The following DPP6 variants were observed in gnomAD, a reference collection of about 807,000 sequenced individuals.
The protein encoded by DPP6 is A-type potassium channel modulatory protein DPP6.
A neutral mutation model predicts 122.6 loss-of-function variants in DPP6; 69 were observed. The observed-to-expected ratio is 0.56, with a 90% CI of 0.46 to 0.69. The LOEUF (loss-of-function observed/expected upper bound fraction) is 0.69. DPP6 is among the 30% of genes least tolerant of loss of function. The probability of loss-of-function intolerance (pLI) is 0.00; values close to 1 mark genes in which losing one functional copy is unlikely to be tolerated. For synonymous variants in DPP6, 418 were observed against 433.1 expected (o/e 0.97, Z 0.43); for missense variants, 928 against 1,116.9 (o/e 0.83, Z 2.41).
chr7:154,381,038 A>T (rs190661833), intron 1 of DPP6, among the ~76,000 whole-genome samples: 2 of 152,302 alleles, frequency 1.3e-5, no homozygotes, highest in Non-Finnish European at 2.9e-5. Context: ...CTCTAGGGAC[A>T]TCCTGCCCTG....
chr7:154,399,364 C>G (rs570995780), intron 1 of DPP6, among the ~76,000 whole-genome samples: 1 of 152,296 alleles, frequency 6.6e-6, no homozygotes, highest in African/African-American at 2.4e-5. Flanking sequence ...GCCTGTAACA[C>G]TTTTCTTAAT....
At chr7:153,816,430 T>C in the DPP6 span, among the ~76,000 whole-genome samples, 2 of 152,194 alleles carry the variant, frequency 1.3e-5, no homozygotes, top group South Asian at 2.1e-4. Context: ...GTTGCTCTCC[T>C]ATTTGTAACA....
chr7:153,892,721 T>C (rs1005017491), intron 1 of DPP6, among the ~76,000 whole-genome samples: 1 of 152,104 alleles, frequency 6.6e-6, no homozygotes, highest in African/African-American at 2.4e-5. Context: ...GGTAACAAAA[T>C]GCTTGGTGCT....
intron 1 of DPP6, among the ~76,000 whole-genome samples, chr7:154,007,794 C>T (rs1361572869): frequency 6.6e-6 from 1 of 152,082 alleles, no homozygotes; most frequent in Non-Finnish European, 1.5e-5. Context: ...AGCCAATTCT[C>T]CACAGATAGT....
intron 7 of DPP6, among the ~76,000 whole-genome samples, chr7:154,689,569 A>G (rs1351709988): frequency 6.6e-6 from 1 of 151,736 alleles, no homozygotes; most frequent in Non-Finnish European, 1.5e-5. Flanking sequence ...TTTTTAACAT[A>G]TTTTCTTTAG....
chr7:154,345,329 G>A (rs115310746), intron 1 of DPP6, among the ~76,000 whole-genome samples: 99 of 152,234 alleles, frequency 6.5e-4, no homozygotes, highest in African/African-American at 2.1e-3. Flanking sequence ...CATCCCACTA[G>A]GGTGACGATT....
chr7:154,037,186 G>A (rs1213341254), intron 1 of DPP6, among the ~76,000 whole-genome samples: 6 of 152,218 alleles, frequency 3.9e-5, no homozygotes, highest in Non-Finnish European at 8.8e-5. Context: ...GTAGGAAGAC[G>A]GCCTTCCCAG....
intron 1 of DPP6, among the ~76,000 whole-genome samples, chr7:153,946,996 C>T (rs1419478013): frequency 3.9e-5 from 6 of 152,124 alleles, no homozygotes; most frequent in Admixed American, 2.0e-4. Context: ...TAGTTTCAGT[C>T]CCGTCTTTGC....
At chr7:153,953,940 C>G (rs1377612788) in intron 1 of DPP6, among the ~76,000 whole-genome samples, 4 of 152,206 alleles carry the variant, frequency 2.6e-5, no homozygotes, top group Non-Finnish European at 5.9e-5. Context: ...TTCCATGTTA[C>G]AGTCTTGAGG....
At chr7:154,761,250 G>A (rs1040475172) in intron 8 of DPP6, among the ~76,000 whole-genome samples, 4 of 152,238 alleles carry the variant, frequency 2.6e-5, no homozygotes, top group Non-Finnish European at 1.5e-5. Context: ...CAACTGGGGT[G>A]ACCAGAAGGG....
the DPP6 span, among the ~76,000 whole-genome samples, chr7:153,822,303 C>T: frequency 2.6e-5 from 4 of 151,238 alleles, no homozygotes; most frequent in African/African-American, 7.3e-5. Flanking sequence ...AATTCTCCTG[C>T]TTCAGCCTCC....
At chr7:154,846,660 T>G (rs1801967881) in intron 16 of DPP6, among the ~76,000 whole-genome samples, 1 of 152,226 alleles carries the variant, frequency 6.6e-6, no homozygotes, top group South Asian at 2.1e-4. Flanking sequence ...TAAGAGGTTT[T>G]TCAGCAACAC....
chr7:154,576,798 C>T (rs1354384270), intron 5 of DPP6, among the ~76,000 whole-genome samples: 1 of 152,132 alleles, frequency 6.6e-6, no homozygotes, highest in Non-Finnish European at 1.5e-5. Context: ...TGGTAGGTGT[C>T]CCCTGGGGCT....
At chr7:154,567,093 T>C (rs1299331860) in intron 5 of DPP6, among the ~76,000 whole-genome samples, 177 bp downstream of exon 5, 2 of 152,192 alleles carry the variant, frequency 1.3e-5, no homozygotes, top group Non-Finnish European at 2.9e-5. Flanking sequence ...AAGGTATAAA[T>C]ATCTGCTTGG....
chr7:154,206,873 G>A (rs894803637), intron 1 of DPP6, among the ~76,000 whole-genome samples: 3 of 152,202 alleles, frequency 2.0e-5, no homozygotes, highest in Non-Finnish European at 4.4e-5. Context: ...ATTTTTAAAT[G>A]CGTATGGGGT....
chr7:154,622,904 G>T (rs555515794), intron 5 of DPP6, among the ~76,000 whole-genome samples: 9 of 152,186 alleles, frequency 5.9e-5, no homozygotes, highest in Non-Finnish European at 1.0e-4. Flanking sequence ...CCCAAGAAGG[G>T]ATTTGTTACA....
chr7:154,004,140 T>C (rs1797803968), intron 1 of DPP6, among the ~76,000 whole-genome samples: 1 of 152,252 alleles, frequency 6.6e-6, no homozygotes, highest in Non-Finnish European at 1.5e-5. Flanking sequence ...CATGACCTGC[T>C]TTTATCCTCA....
chr7:154,459,892 T>C (rs1343516269), intron 2 of DPP6, among the ~76,000 whole-genome samples: 12 of 150,676 alleles, frequency 8.0e-5, no homozygotes, highest in African/African-American at 2.7e-4. Context: ...TATTTTCTCA[T>C]ACTGTCAGTT....
At chr7:153,875,739 ATAAT>A in the DPP6 span, among the ~76,000 whole-genome samples, 11 of 152,014 alleles carry the variant, frequency 7.2e-5, no homozygotes, top group Admixed American at 3.3e-4. Flanking sequence ...ATCAATAAAC[ATAAT>A]TAACTCAAAA....
Sources: allele counts gnomAD v4.1 joint callset (sites outside exome capture counted in the v4.1 genomes callset), GRCh38; gene constraint gnomAD v4.1.1; transcripts MANE v1.5; gene names NCBI Gene and HGNC (gene_info 2026-07-23, HGNC 2026-07-21).